PDK3: variants seen among roughly 807,000 people sequenced by gnomAD.
PDK3 encodes the protein pyruvate dehydrogenase kinase, isozyme 3.
PDK3 carries 12 observed loss-of-function variants against 32.0 expected under a neutral mutation model. The ratio of observed to expected loss-of-function variants is 0.37; its 90% CI spans 0.24 to 0.61. The LOEUF is 0.61. PDK3 is among the 20% of genes least tolerant of loss of function. The pLI is 0.65. For synonymous variants in PDK3, 122 were observed against 116.3 expected, an observed-to-expected ratio of 1.05 and a Z score of -0.31; for missense variants, 188 against 316.9, an observed-to-expected ratio of 0.59 and a Z score of 3.09.
intron 3 of PDK3, among the ~76,000 whole-genome samples, chrX:24,502,118 C>T (rs1921873947): frequency 9.0e-6 from 1 of 111,289 alleles, no homozygotes. Flanking sequence ...TTTGTTTCTT[C>T]ACATTATTTG....
At chrX:24,548,616 T>C (rs184313073) in exon 12 of PDK3, 17 of 112,511 alleles carry the variant, frequency 1.5e-4, no homozygotes, top group Non-Finnish European at 7.5e-5. Flanking sequence ...AACTACTCTT[T>C]AGTTCATCTT....
intron 1 of PDK3, among the ~76,000 whole-genome samples, chrX:24,482,399 G>C (rs1921283418): frequency 1.8e-5 from 2 of 111,337 alleles, no homozygotes; most frequent in African/African-American, 6.5e-5. Flanking sequence ...TAGTAGAAAT[G>C]GGGTTTCACC....
Position 24,527,585 on chromosome X carries a change from AG to A in PDK3, c.763del (p.Ala255ArgfsTer34). On this transcript the variant is annotated frameshift_variant, in exon 8 of 11. Transcript: ENST00000379162. LOFTEE classifies it high-confidence loss of function. Reference sequence around the variant, plus strand: ...TCTTATTATTTTAGAACTCAATGAGAGCGACAGTTGAACTCTATGAAGACAG... The same window carrying A: ...TCTTATTATTTTAGAACTCAATGAGACGACAGTTGAACTCTATGAAGACAG... ...LFELFKNSMR[A>X]TVELYEDRKE... 1 of 1,148,656 alleles carries A rather than the reference AG, an allele frequency of 8.7e-7. No individual in the cohort carries two copies. Among genetic ancestry groups the A allele is most frequent in the Non-Finnish European group, 1.2e-6 (1 of 847,109 alleles). 94.7% of individuals were successfully genotyped at this position (1,148,656 alleles called of 1,213,427 possible).
At position 24,494,776 on chromosome X, in the gene PDK3, G is replaced by A; in HGVS notation, c.141G>A (p.Met47Ile). The A allele has an allele frequency of 8.4e-7, 1 of 1,196,681 alleles. No homozygotes were observed. Among genetic ancestry groups the A allele is most frequent in the Non-Finnish European group, 1.1e-6 (1 of 882,962 alleles). ...RDNACEKTSY[M>I]FLRKELPVRL... ...ATGCATGTGAGAAAACTTCATATAT[G>A]TTTCTACGAAAGGAACTTCCTGTGC... Residue 47 changes from methionine to isoleucine, a missense_variant, in exon 2 of 11, where the codon ATG becomes ATA. Met to Ile is a conservative substitution (Grantham distance 10). Coordinates refer to ENST00000379162, the MANE Select transcript of PDK3 (RefSeq NM_005391.5).
intron 1 of PDK3, among the ~76,000 whole-genome samples, chrX:24,493,359 T>C (rs1425145943): frequency 9.0e-6 from 1 of 111,723 alleles, no homozygotes; most frequent in Non-Finnish European, 1.9e-5. Flanking sequence ...GATTAGGTTC[T>C]TTTTTTCAAG....
At chrX:24,490,716 A>G (rs1476196262) in intron 1 of PDK3, among the ~76,000 whole-genome samples, 4 of 110,817 alleles carry the variant, frequency 3.6e-5, no homozygotes, top group Non-Finnish European at 5.7e-5. Context: ...CCTTCCTAAA[A>G]TTGAAAAACC....
At chrX:24,489,456 G>A (rs1463477223) in intron 1 of PDK3, among the ~76,000 whole-genome samples, 1 of 110,713 alleles carries the variant, frequency 9.0e-6, no homozygotes, top group Non-Finnish European at 1.9e-5. Flanking sequence ...AGGCTGAGGC[G>A]GGCAGGTCAC....
intron 5 of PDK3, among the ~76,000 whole-genome samples, chrX:24,506,801 C>CTTTTTTTTTTTTTTTTTT (rs10682263): frequency 1.6e-4 from 8 of 49,493 alleles, no homozygotes; most frequent in East Asian, 6.3e-4. Flanking sequence ...TTTTTTCTTT[C>CTTTTTTTTTTTTTTTTTT]TTTTTTTTTT....
chrX:24,504,508 A>G (rs900274978), intron 4 of PDK3, among the ~76,000 whole-genome samples: 13 of 111,737 alleles, frequency 1.2e-4, no homozygotes, highest in African/African-American at 2.6e-4. Flanking sequence ...ATCATTTTTC[A>G]TAGTTTAAAA....
downstream of PDK3, among the ~76,000 whole-genome samples, chrX:24,536,177 G>T (rs1922774725): frequency 9.0e-6 from 1 of 111,322 alleles, no homozygotes; most frequent in African/African-American, 3.3e-5. Flanking sequence ...TTAGGTGATG[G>T]CTGTCTGATC....
At chrX:24,548,356 G>A (rs1923037724) in exon 12 of PDK3, 1 of 112,422 alleles carries the variant, frequency 8.9e-6, no homozygotes, top group South Asian at 3.7e-4. Context: ...TGGCTTTTCA[G>A]TGAGGACTCT....
At chrX:24,484,080 C>T (rs1470591814) in intron 1 of PDK3, among the ~76,000 whole-genome samples, 1 of 110,342 alleles carries the variant, frequency 9.1e-6, no homozygotes, top group African/African-American at 3.3e-5. Context: ...GGCACGATCT[C>T]GGCTCACTGC....
chrX:24,475,912 CAG>C (rs1453307404), intron 1 of PDK3, among the ~76,000 whole-genome samples: 1 of 111,499 alleles, frequency 9.0e-6, no homozygotes, highest in Admixed American at 9.5e-5. Context: ...GAGACAGCTG[CAG>C]TTACTGATCT....
At position 24,534,039 on chromosome X, in the gene PDK3, C is replaced by A. The variant is rs1242588981; in HGVS notation, c.1188C>A (p.Pro396=). ...ATTGGAGCAATCCCAGCAGTGAACC[C>A]AGGGATGCTTCAAAATACAAAGCAA... ...ADDWSNPSSE[P]RDASKYKAKQ The change falls in exon 11 of 11, where the codon CCC becomes CCA. Residue 396 remains proline (P), a synonymous_variant. Coordinates refer to ENST00000379162, the MANE Select transcript of PDK3 (RefSeq NM_005391.5). 2 of 1,206,506 alleles carry A rather than the reference C, an allele frequency of 1.7e-6. No individual in the cohort carries two copies. The highest frequency in any genetic ancestry group is 3.6e-5 in the South Asian group (2 of 56,035).
exon 12 of PDK3, chrX:24,546,507 AG>A (rs1438856297): frequency 8.9e-6 from 1 of 111,802 alleles, no homozygotes; most frequent in Non-Finnish European, 1.9e-5. Flanking sequence ...ATCCCCCAAA[AG>A]GAAAATAAAA....
intron 5 of PDK3, among the ~76,000 whole-genome samples, chrX:24,515,831 T>A (rs973109312): frequency 8.9e-6 from 1 of 112,089 alleles, no homozygotes; most frequent in South Asian, 3.7e-4. Flanking sequence ...TCAATCCTAC[T>A]TAAGTGTCTA....
At chrX:24,472,683 TTTTTTTTTTTTTTTTTTTGTGAGACGGAG>T (rs1921006143) in intron 1 of PDK3, among the ~76,000 whole-genome samples, 1 of 87,778 alleles carries the variant, frequency 1.1e-5, no homozygotes, top group African/African-American at 4.3e-5. Context: ...TTCTTTTTTT[TTTTTTTTTTTTTTTTTTTGTGAGACGGAG>T]TTTTTGCTCA....
At chrX:24,536,407 A>G (rs1922779491), downstream of PDK3, among the ~76,000 whole-genome samples, 1 of 111,108 alleles carries the variant, frequency 9.0e-6, no homozygotes, top group African/African-American at 3.3e-5. Context: ...TTATTCTCCT[A>G]TAAAGTAAAG....
chrX:24,473,426 A>AATTTATTTATTTATTT (rs200252366), intron 1 of PDK3, among the ~76,000 whole-genome samples: 486 of 105,149 alleles, frequency 4.6e-3, no homozygotes, highest in South Asian at 7.7e-3. Flanking sequence ...ACATTTGTTG[A>AATTTATTTATTTATTT]ATTTATTTAT....
Sources: allele counts gnomAD v4.1 joint callset (sites outside exome capture counted in the v4.1 genomes callset), GRCh38; gene constraint gnomAD v4.1.1; transcripts MANE v1.5; gene names NCBI Gene and HGNC (gene_info 2026-07-23, HGNC 2026-07-21).